Variants in FGFR2 observed in about 807,000 individuals in gnomAD.
The protein encoded by FGFR2 is BEK fibroblast growth factor receptor.
In FGFR2, 19 loss-of-function variants were observed where a neutral mutation model predicts 95.9. The ratio of observed to expected loss-of-function variants is 0.20; its 90% CI spans 0.14 to 0.29. The LOEUF is 0.29. Ranked by LOEUF, FGFR2 falls within the 10% of genes least tolerant of loss-of-function variation. The probability of loss-of-function intolerance (pLI) is 1.00; values close to 1 mark genes in which losing one functional copy is unlikely to be tolerated. For synonymous variants in FGFR2, 392 were observed against 393.3 expected (o/e 1.00, Z 0.04); for missense variants, 707 against 1,056.9 (o/e 0.67, Z 4.59).
intron 2 of FGFR2, among the ~76,000 whole-genome samples, chr10:121,581,766 A>T (rs1466157309): frequency 6.9e-6 from 1 of 144,126 alleles, no homozygotes; most frequent in Non-Finnish European, 1.5e-5. Flanking sequence ...GCATTTAAAA[A>T]AAAAAAAAAA....
intron 1 of FGFR2, among the ~76,000 whole-genome samples, chr10:121,597,620 G>C (rs1267615391): frequency 1.3e-5 from 2 of 152,262 alleles, no homozygotes; most frequent in African/African-American, 2.4e-5. Context: ...GCCACGGGCA[G>C]GCGAACCTTC....
At chr10:121,542,220 C>T (rs565186153) in intron 5 of FGFR2, among the ~76,000 whole-genome samples, 1 of 152,104 alleles carries the variant, frequency 6.6e-6, no homozygotes, top group Non-Finnish European at 1.5e-5. Context: ...CCTAAAGATG[C>T]ATATAAAACT....
chr10:121,490,281 C>T (rs1392167021), intron 13 of FGFR2, among the ~76,000 whole-genome samples: 1 of 149,842 alleles, frequency 6.7e-6, no homozygotes, highest in African/African-American at 2.5e-5. Context: ...CTCCTGCCCT[C>T]AGCCTCCCAA....
At chr10:121,577,585 A>G (rs918136950) in intron 2 of FGFR2, among the ~76,000 whole-genome samples, 1 of 152,112 alleles carries the variant, frequency 6.6e-6, no homozygotes. Context: ...GGACAGGAAC[A>G]TGTCAAGGAG....
intron 6 of FGFR2, among the ~76,000 whole-genome samples, chr10:121,535,348 G>C (rs1852679837): frequency 6.6e-6 from 1 of 152,242 alleles, no homozygotes; most frequent in South Asian, 2.1e-4. Context: ...CGATTTTACT[G>C]ATGATAAAAC....
chr10:121,558,738 C>T lies in FGFR2; in HGVS notation c.454+5764G>A, dbSNP rs563851703. ...TTCTCCTGCCTCAGCCTCAGGCGCC[C>T]GCCACCAAGCCCGGCTAATTTTTAT... On this transcript the variant is annotated intron_variant, in intron 4 of 17. Coordinates refer to ENST00000358487, the MANE Select transcript of FGFR2 (RefSeq NM_000141.5). 2.6e-3 allele frequency among the ~76,000 whole-genome samples: 391 copies of T among 151,932 alleles called. 1 individual carries two copies. The highest frequency in any genetic ancestry group is 9.0e-3 in the African/African-American group (375 of 41,468).
At chr10:121,529,787 T>A (rs938496981) in intron 6 of FGFR2, among the ~76,000 whole-genome samples, 2 of 152,336 alleles carry the variant, frequency 1.3e-5, no homozygotes, top group Admixed American at 6.5e-5. Flanking sequence ...AGGAACTCCA[T>A]GAGGGCAAAG....
chr10:121,492,362 TTC>T (rs1234591369), intron 13 of FGFR2, among the ~76,000 whole-genome samples: 1 of 152,088 alleles, frequency 6.6e-6, no homozygotes, highest in Admixed American at 6.5e-5. Flanking sequence ...GTTTTTTCAC[TTC>T]TCTGTCTCCA....
chr10:121,523,328 C>A (rs1339639678), intron 6 of FGFR2, among the ~76,000 whole-genome samples: 1 of 152,188 alleles, frequency 6.6e-6, no homozygotes, highest in Non-Finnish European at 1.5e-5. Context: ...TGCTCTCTGG[C>A]TCATACAATG....
chr10:121,584,337 C>G (rs778392130), intron 2 of FGFR2, among the ~76,000 whole-genome samples: 9 of 151,558 alleles, frequency 5.9e-5, no homozygotes, highest in Non-Finnish European at 1.2e-4. Flanking sequence ...ACACACCACA[C>G]CGCACCCCAC....
intron 2 of FGFR2, among the ~76,000 whole-genome samples, chr10:121,587,180 G>T (rs1475808670): frequency 1.3e-5 from 2 of 152,122 alleles, no homozygotes; most frequent in Non-Finnish European, 2.9e-5. Flanking sequence ...TCAATAAATG[G>T]TGCTGGGATA....
chr10:121,569,414 C>T (rs938661887), intron 2 of FGFR2, among the ~76,000 whole-genome samples: 4 of 152,012 alleles, frequency 2.6e-5, no homozygotes, highest in African/African-American at 7.2e-5. Flanking sequence ...TGAGAGACAG[C>T]GTTTACCATA....
chr10:121,566,000 T>C, intron 2 of FGFR2: 1 of 501,928 alleles, frequency 2.0e-6, no homozygotes, highest in South Asian at 2.2e-5. Context: ...AATGTTTAAA[T>C]TGATTGCCAA....
intron 7 of FGFR2, 43 bp downstream of exon 7, chr10:121,519,936 G>A (rs2134305304): frequency 6.3e-7 from 1 of 1,598,572 alleles, no homozygotes; most frequent in South Asian, 1.1e-5. Flanking sequence ...ACCCATGAAG[G>A]AGACCCCAGT....
intron 2 of FGFR2, among the ~76,000 whole-genome samples, chr10:121,591,810 T>C (rs2420946): frequency 0.57 from 85,988 of 152,054 alleles, 24,551 homozygotes; most frequent in East Asian, 0.62. Flanking sequence ...GATCCATAAG[T>C]GCATCCACAG....
intron 5 of FGFR2, among the ~76,000 whole-genome samples, chr10:121,549,724 A>G (rs1855090527): frequency 6.6e-6 from 1 of 152,176 alleles, no homozygotes; most frequent in Non-Finnish European, 1.5e-5. Context: ...CCCCCAGCCA[A>G]CAGTCAGTGA....
chr10:121,533,515 G>T (rs375072189), intron 6 of FGFR2, among the ~76,000 whole-genome samples: 1 of 152,152 alleles, frequency 6.6e-6, no homozygotes, highest in African/African-American at 2.4e-5. Flanking sequence ...CATACCTGAG[G>T]GTCTCTGGAA....
At chr10:121,530,945 A>T (rs1851997138) in intron 6 of FGFR2, among the ~76,000 whole-genome samples, 1 of 152,158 alleles carries the variant, frequency 6.6e-6, no homozygotes, top group Admixed American at 6.5e-5. Context: ...CTGAATCTCC[A>T]GGTAACCTCT....
chr10:121,497,147 AAAG>A (rs1564876818), intron 12 of FGFR2, among the ~76,000 whole-genome samples: 3 of 150,638 alleles, frequency 2.0e-5, no homozygotes, highest in Admixed American at 6.6e-5. Context: ...AAAAAAAAAA[AAAG>A]AAGAAGAAAA....
Sources: gnomAD v4.1 joint callset for allele counts (sites outside exome capture counted in the v4.1 genomes callset) on GRCh38, gnomAD v4.1.1 for gene constraint, MANE v1.5 for transcripts, NCBI Gene and HGNC (gene_info 2026-07-23, HGNC 2026-07-21) for gene names.